MICAL2: variants seen among roughly 807,000 people sequenced by gnomAD.
MICAL2 encodes the protein [F-actin]-monooxygenase MICAL2.
Under a neutral mutation model 127.3 loss-of-function variants are expected in MICAL2, and 77 were observed. That is an observed-to-expected ratio of 0.60 (90% CI 0.50 to 0.73). The LOEUF (loss-of-function observed/expected upper bound fraction) is 0.73. Among genes scored for constraint, MICAL2 ranks in the 30% least tolerant of loss-of-function variants. The pLI is 0.00. For synonymous variants in MICAL2, 570 were observed against 551.1 expected (o/e 1.03, Z -0.48); for missense variants, 1,351 against 1,434.4 (o/e 0.94, Z 0.94).
At chr11:12,209,177 G>A (rs944436555) in intron 5 of MICAL2, among the ~76,000 whole-genome samples, 1 of 152,228 alleles carries the variant, frequency 6.6e-6, no homozygotes, top group African/African-American at 2.4e-5. Flanking sequence ...AGAGAAGATG[G>A]TGGACTTTGT....
intron 29 of MICAL2, among the ~76,000 whole-genome samples, chr11:12,314,666 T>TG (rs1363602970): frequency 1.2e-5 from 1 of 82,772 alleles, no homozygotes; most frequent in South Asian, 3.4e-4. Flanking sequence ...TTTTGTATTT[T>TG]TAGTAGAGAC....
intron 29 of MICAL2, among the ~76,000 whole-genome samples, chr11:12,317,210 C>T (rs1475046435): frequency 6.6e-6 from 1 of 152,198 alleles, no homozygotes; most frequent in African/African-American, 2.4e-5. Flanking sequence ...TCTATCTTTT[C>T]AACTCAATGA....
At chr11:12,161,569 A>G (rs971801846) in intron 2 of MICAL2, 1 of 153,418 alleles carries the variant, frequency 6.5e-6, no homozygotes, top group Non-Finnish European at 1.5e-5. Flanking sequence ...CTGGGTGTCT[A>G]CGGAGAGGTG....
At chr11:12,257,435 C>A (rs1024177741) in intron 24 of MICAL2, among the ~76,000 whole-genome samples, 1 of 152,192 alleles carries the variant, frequency 6.6e-6, no homozygotes, top group African/African-American at 2.4e-5. Flanking sequence ...AGTGGCCTAA[C>A]AAAGACATCA....
intron 1 of MICAL2, among the ~76,000 whole-genome samples, chr11:12,136,909 G>T (rs990596074): frequency 2.6e-5 from 4 of 152,156 alleles, no homozygotes; most frequent in African/African-American, 9.7e-5. Flanking sequence ...CCCTAGGGTG[G>T]GTAGGGACTT....
Position 12,224,771 on chromosome 11 carries a change from A to G in MICAL2, c.1639A>G (p.Ser547Gly), listed in dbSNP as rs774663380. The G allele has an allele frequency of 1.9e-5, 31 of 1,614,086 alleles. No homozygotes were observed. Among genetic ancestry groups the G allele is most frequent in the Admixed American group, 5.0e-5 (3 of 60,010 alleles). The change falls in exon 13 of 28, where the codon AGT becomes GGT. Residue 547 changes from serine (S) to glycine (G), a missense_variant. Transcript: ENST00000683283. The part of the protein sequence containing the change: ...NVTDLTTSWR[S>G]GLALCAIIHR... ...CACCGACCTGACCACATCCTGGCGC[A>G]GTGGGTTGGCCCTGTGTGCCATCAT...
rs74527502 is a variant in MICAL2 at position 12,118,150 on chromosome 11, T to A, written c.-149+7424T>A. Among the ~76,000 whole-genome samples the A allele has an allele frequency of 4.8e-3, 724 of 152,322 alleles. 9 individuals carry two copies. Among genetic ancestry groups the A allele is most frequent in the African/African-American group, 0.017 (692 of 41,568 alleles). ...GTCTTGCTTGGGCGTGTTGGTTATC[T>A]TGTATCTTGGGCTTTCTTAAAAGTG... On this transcript the variant is annotated intron_variant, in intron 1 of 27. Transcript: ENST00000683283.
intron 1 of MICAL2, among the ~76,000 whole-genome samples, chr11:12,135,477 C>T (rs1244023412): frequency 6.6e-6 from 1 of 152,136 alleles, no homozygotes; most frequent in Admixed American, 6.5e-5. Context: ...CAATAACAGA[C>T]ATCACCTCCA....
At chr11:12,308,321 C>G (rs1020743184) in intron 29 of MICAL2, 1 of 152,136 alleles carries the variant, frequency 6.6e-6, no homozygotes, top group Non-Finnish European at 1.5e-5. Flanking sequence ...ACCAAAGAAG[C>G]CTACTGGAAT....
intron 3 of MICAL2, among the ~76,000 whole-genome samples, chr11:12,166,596 G>A (rs947055334): frequency 6.6e-6 from 1 of 152,140 alleles, no homozygotes; most frequent in African/African-American, 2.4e-5. Context: ...TGTAAAATGA[G>A]GATAATAAGA....
downstream of MICAL2, chr11:12,292,397 TCAACCTAAGTG>T: frequency 7.5e-7 from 1 of 1,337,808 alleles, no homozygotes; most frequent in Non-Finnish European, 1.1e-6. Flanking sequence ...TGCTCATAGG[TCAACCTAAGTG>T]CAAAGCCAGC....
At chr11:12,350,232 C>G (rs960932067) in intron 33 of MICAL2, among the ~76,000 whole-genome samples, 2 of 152,130 alleles carry the variant, frequency 1.3e-5, no homozygotes, top group Non-Finnish European at 2.9e-5. Flanking sequence ...TTCCCTGGGT[C>G]CATCTTAAAA....
intron 3 of MICAL2, among the ~76,000 whole-genome samples, chr11:12,163,159 T>C (rs1855038532): frequency 6.6e-6 from 1 of 152,072 alleles, no homozygotes; most frequent in South Asian, 2.1e-4. Context: ...CATTTGGCCA[T>C]AGACAGCATC....
chr11:12,264,382 G>A (rs767207953), downstream of MICAL2, among the ~76,000 whole-genome samples: 5 of 152,184 alleles, frequency 3.3e-5, no homozygotes, highest in Non-Finnish European at 7.3e-5. Flanking sequence ...TCTATGGTGT[G>A]AGGCCCTGCC....
intron 3 of MICAL2, among the ~76,000 whole-genome samples, chr11:12,166,968 G>C (rs114404013): frequency 1.3e-5 from 2 of 152,136 alleles, no homozygotes; most frequent in African/African-American, 2.4e-5. Flanking sequence ...CGGGGAAAGG[G>C]TGAAAGCCGG....
chr11:12,219,100 G>A (rs1856515975), intron 8 of MICAL2, among the ~76,000 whole-genome samples: 1 of 152,216 alleles, frequency 6.6e-6, no homozygotes, highest in African/African-American at 2.4e-5. Flanking sequence ...GATTTAGTTA[G>A]TAAACAGCAG....
intron 3 of MICAL2, among the ~76,000 whole-genome samples, chr11:12,200,078 G>A (rs1213102006): frequency 6.6e-6 from 1 of 152,150 alleles, no homozygotes. Flanking sequence ...TTCATCAGCT[G>A]TCTATTGAGG....
downstream of MICAL2, among the ~76,000 whole-genome samples, chr11:12,361,026 A>G (rs1247101818): frequency 6.6e-6 from 1 of 152,210 alleles, no homozygotes; most frequent in East Asian, 1.9e-4. Context: ...TTTGTATGCA[A>G]TATGAGTAGG....
chr11:12,268,156 G>A (rs751484810), downstream of MICAL2, among the ~76,000 whole-genome samples: 2 of 152,254 alleles, frequency 1.3e-5, no homozygotes, highest in Non-Finnish European at 2.9e-5. Context: ...TGGTTCAGGA[G>A]GGAGACCTGG....
Sources: allele counts gnomAD v4.1 joint callset (sites outside exome capture counted in the v4.1 genomes callset), GRCh38; gene constraint gnomAD v4.1.1; transcripts MANE v1.5; gene names NCBI Gene and HGNC (gene_info 2026-07-23, HGNC 2026-07-21).